IGF1R: variants seen among roughly 807,000 people sequenced by gnomAD.
IGF1R encodes the protein insulin like growth factor 1 receptor.
Under a neutral mutation model 144.6 loss-of-function variants are expected in IGF1R, and 44 were observed. The ratio of observed to expected loss-of-function variants is 0.30; its 90% CI spans 0.24 to 0.39. The LOEUF is 0.39. Among genes scored for constraint, IGF1R ranks in the 10% least tolerant of loss-of-function variants. The probability of loss-of-function intolerance (pLI) is 1.00; values close to 1 mark genes in which losing one functional copy is unlikely to be tolerated. For missense variants in IGF1R, 1,355 were observed against 1,833.7 expected, an observed-to-expected ratio of 0.74 and a Z score of 4.77; for synonymous variants, 795 against 722.8, an observed-to-expected ratio of 1.10 and a Z score of -1.60.
chr15:98,777,191 T>A (rs1424054967), intron 2 of IGF1R, among the ~76,000 whole-genome samples: 1 of 152,142 alleles, frequency 6.6e-6, no homozygotes, highest in Non-Finnish European at 1.5e-5. Flanking sequence ...CACGCTCAAT[T>A]TGCTGATCAG....
At chr15:98,784,127 A>G (rs1461544878) in intron 2 of IGF1R, among the ~76,000 whole-genome samples, 2 of 151,964 alleles carry the variant, frequency 1.3e-5, no homozygotes, top group African/African-American at 2.4e-5. Flanking sequence ...GGCACCCGCA[A>G]CCACACCCGG....
chr15:98,898,473 C>T (rs1279116581), intron 4 of IGF1R, among the ~76,000 whole-genome samples: 1 of 152,198 alleles, frequency 6.6e-6, no homozygotes, highest in Non-Finnish European at 1.5e-5. Context: ...CTTCCTGCCC[C>T]ACGTTTAAAA....
intron 1 of IGF1R, among the ~76,000 whole-genome samples, chr15:98,653,123 A>G (rs566161254): frequency 5.3e-5 from 8 of 152,144 alleles, no homozygotes; most frequent in South Asian, 2.1e-4. Context: ...CAGGGATTCA[A>G]TCCCGCAGTA....
At chr15:98,710,613 T>C (rs911014338) in intron 2 of IGF1R, among the ~76,000 whole-genome samples, 6 of 152,124 alleles carry the variant, frequency 3.9e-5, no homozygotes, top group African/African-American at 1.4e-4. Flanking sequence ...ATTTTGGATA[T>C]ATTAGATTAA....
intron 2 of IGF1R, among the ~76,000 whole-genome samples, chr15:98,813,586 T>C (rs2056637676): frequency 6.6e-6 from 1 of 152,240 alleles, no homozygotes; most frequent in Non-Finnish European, 1.5e-5. Context: ...GCACTACCTC[T>C]TCTTGGGGAC....
At chr15:98,723,985 A>G (rs2054304105) in intron 2 of IGF1R, among the ~76,000 whole-genome samples, 1 of 152,212 alleles carries the variant, frequency 6.6e-6, no homozygotes, top group Non-Finnish European at 1.5e-5. Flanking sequence ...TAATTAGCAG[A>G]TAGGAAAAGC....
intron 2 of IGF1R, among the ~76,000 whole-genome samples, chr15:98,720,023 G>T (rs1332996697): frequency 6.6e-6 from 1 of 152,220 alleles, no homozygotes; most frequent in Admixed American, 6.5e-5. Flanking sequence ...TTATGAGCTA[G>T]TTCAGATTCT....
chr15:98,781,421 A>G (rs1874736073), intron 2 of IGF1R, among the ~76,000 whole-genome samples: 1 of 152,222 alleles, frequency 6.6e-6, no homozygotes, highest in African/African-American at 2.4e-5. Flanking sequence ...AATGTCGCAC[A>G]TCAGATCGTA....
chr15:98,839,329 G>GT (rs2011137305), intron 2 of IGF1R, among the ~76,000 whole-genome samples: 1 of 152,132 alleles, frequency 6.6e-6, no homozygotes, highest in African/African-American at 2.4e-5. Flanking sequence ...TGACTCTAGA[G>GT]TACCTACTCT....
intron 2 of IGF1R, among the ~76,000 whole-genome samples, chr15:98,776,291 TCTC>T (rs1326384030): frequency 6.6e-6 from 1 of 151,958 alleles, no homozygotes; most frequent in Non-Finnish European, 1.5e-5. Context: ...TTCCAGCAAT[TCTC>T]CTGCCTCGGC....
At chr15:98,695,663 A>G (rs1226004198) in intron 1 of IGF1R, among the ~76,000 whole-genome samples, 1 of 152,222 alleles carries the variant, frequency 6.6e-6, no homozygotes, top group Non-Finnish European at 1.5e-5. Context: ...AGAAATGTGC[A>G]GCTCCACAGG....
rs757457579 is a variant in IGF1R at position 98,934,900 on chromosome 15, G to A, written c.3033G>A (p.Gly1011=). The A allele has an allele frequency of 6.2e-7, 1 of 1,614,184 alleles. No individual in the cohort carries two copies. Among genetic ancestry groups the A allele is most frequent in the Non-Finnish European group, 8.5e-7 (1 of 1,180,040 alleles). The part of the protein sequence containing the change: ...MSRELGQGSF[G]MVYEGVAKGV... ...GGGAACTTGGGCAGGGGTCGTTTGGGATGGTCTATGAAGGAGTTGCCAAGG... is the reference window on the plus strand; with the variant it reads ...GGGAACTTGGGCAGGGGTCGTTTGGAATGGTCTATGAAGGAGTTGCCAAGG... The change falls in exon 16 of 21, where the codon GGG becomes GGA. Residue 1011 remains glycine (G), a synonymous_variant. Transcript: ENST00000650285.
In IGF1R at chr15:98,832,766, T is replaced by G. The variant is rs780677436; in HGVS notation, c.641-58559T>G. On this transcript the variant is annotated intron_variant, in intron 2 of 20. Coordinates refer to ENST00000650285, the MANE Select transcript of IGF1R (RefSeq NM_000875.5). Reference sequence around the variant, plus strand: ...TAGGAATTATCTTCCAAAACTGTGTTTGCTTGCTGTGTCTACATAAAAATT... The same window carrying G: ...TAGGAATTATCTTCCAAAACTGTGTGTGCTTGCTGTGTCTACATAAAAATT... Among the ~76,000 whole-genome samples, 38 of 152,244 alleles carry G rather than the reference T, an allele frequency of 2.5e-4. 1 individual carries two copies. Among genetic ancestry groups the G allele is most frequent in the Non-Finnish European group, 4.3e-4 (29 of 68,040 alleles).
intron 2 of IGF1R, among the ~76,000 whole-genome samples, chr15:98,814,443 T>C: frequency 6.6e-6 from 1 of 152,184 alleles, no homozygotes; most frequent in East Asian, 1.9e-4. Flanking sequence ...CTCAAACTCC[T>C]GGGCTTAAGC....
At chr15:98,713,292 G>C (rs938984530) in intron 2 of IGF1R, among the ~76,000 whole-genome samples, 1 of 152,190 alleles carries the variant, frequency 6.6e-6, no homozygotes, top group Non-Finnish European at 1.5e-5. Context: ...CATCTGCTTA[G>C]TGAAGGATTT....
At chr15:98,653,068 C>T (rs1413751224) in intron 1 of IGF1R, among the ~76,000 whole-genome samples, 1 of 151,644 alleles carries the variant, frequency 6.6e-6, no homozygotes, top group Admixed American at 6.6e-5. Context: ...TTTTCAGATC[C>T]GTGAGTTGCA....
intron 2 of IGF1R, among the ~76,000 whole-genome samples, chr15:98,834,040 AG>A (rs1052103178): frequency 3.9e-5 from 6 of 152,220 alleles, no homozygotes; most frequent in Non-Finnish European, 7.3e-5. Flanking sequence ...AGGACTTGCC[AG>A]ATGTCATCTC....
At chr15:98,697,239 C>T (rs568127099) in intron 1 of IGF1R, among the ~76,000 whole-genome samples, 11 of 152,306 alleles carry the variant, frequency 7.2e-5, no homozygotes, top group South Asian at 2.1e-4. Flanking sequence ...AGAAAATCAA[C>T]GCAGTCGGTT....
rs17847192 is a variant in IGF1R at position 98,948,417 on chromosome 15, C to A, written c.3588-157C>A. Among the ~76,000 whole-genome samples the A allele has an allele frequency of 5.9e-5, 9 of 152,258 alleles. No homozygotes were observed. The East Asian group carries it at 1.7e-3, about 29-fold the overall frequency. ...CAGCAACAGAGGGAGGATGATATCC[C>A]GCACTTAGCCCAGGGCCTGGCTCGC... On this transcript the variant is annotated intron_variant, in intron 19 of 20. Coordinates refer to ENST00000650285, the MANE Select transcript of IGF1R (RefSeq NM_000875.5).
Sources: allele counts gnomAD v4.1 joint callset (sites outside exome capture counted in the v4.1 genomes callset), GRCh38; gene constraint gnomAD v4.1.1; transcripts MANE v1.5; gene names NCBI Gene and HGNC (gene_info 2026-07-23, HGNC 2026-07-21).